CCDC14: variants seen among roughly 807,000 people sequenced by gnomAD.
CCDC14 encodes the protein coiled-coil domain containing 14, also known as coiled-coil domain-containing protein 14.
Under a neutral mutation model 81.4 loss-of-function variants are expected in CCDC14, and 71 were observed. The observed-to-expected ratio is 0.87, with a 90% CI of 0.72 to 1.06. CCDC14 has a LOEUF of 1.06. Ranked by LOEUF, CCDC14 falls within the 50% of genes least tolerant of loss-of-function variation. CCDC14 has a pLI of 0.00. For missense variants in CCDC14, 1,046 were observed against 1,047.3 expected (o/e 1.00, Z 0.02); for synonymous variants, 332 against 364.8 (o/e 0.91, Z 1.03).
At chr3:123,937,265 T>C (rs1359545470) in intron 9 of CCDC14, among the ~76,000 whole-genome samples, 1 of 152,064 alleles carries the variant, frequency 6.6e-6, no homozygotes, top group East Asian at 1.9e-4. Context: ...TGCCAAACTT[T>C]TTTTCCAAAG....
chr3:123,909,067 T>A (rs960966626), downstream of CCDC14, among the ~76,000 whole-genome samples: 2 of 152,084 alleles, frequency 1.3e-5, no homozygotes, highest in African/African-American at 4.8e-5. Context: ...ACTACTACCC[T>A]CCAAGAAGGT....
rs1051109821 is a variant in CCDC14 at position 123,929,387 on chromosome 3, C to T, written c.1778+1715G>A. Among the ~76,000 whole-genome samples the T allele has an allele frequency of 1.3e-4, 20 of 152,092 alleles. No homozygotes were observed. In the East Asian group the frequency reaches 3.3e-3, roughly 25 times the overall value. ...ATGCAGTGGCATGATAGTGGCTCAC[C>T]GCAGCTTCCACCTCCTGGGCTCCTC... On this transcript the variant is annotated intron_variant, in intron 12 of 12. Coordinates refer to ENST00000409697, the MANE Select transcript of CCDC14 (RefSeq NM_001366335.1).
chr3:123,917,845 TAAAAATATCCTACTGGTCTACAC>T (rs1398838498), intron 12 of CCDC14, among the ~76,000 whole-genome samples: 16 of 152,014 alleles, frequency 1.1e-4, no homozygotes, highest in African/African-American at 3.6e-4. Flanking sequence ...TTTATACTTA[TAAAAATATCCTACTGGTCTACAC>T]AGAGGTTGTA....
the CCDC14 span, among the ~76,000 whole-genome samples, chr3:123,887,247 A>G: frequency 6.6e-6 from 1 of 152,238 alleles, no homozygotes; most frequent in East Asian, 1.9e-4. Flanking sequence ...TAAAGTTCAA[A>G]TATATATTTA....
chr3:123,933,077 CCA>C, intron 10 of CCDC14, among the ~76,000 whole-genome samples: 1 of 150,724 alleles, frequency 6.6e-6, no homozygotes, highest in Non-Finnish European at 1.5e-5. Context: ...CCAGCCTGGG[CCA>C]CAGAGTGACG....
At chr3:123,920,495 C>T (rs115016869) in intron 12 of CCDC14, among the ~76,000 whole-genome samples, 2,833 of 152,208 alleles carry the variant, frequency 0.019, 38 homozygotes, top group Non-Finnish European at 0.027. Context: ...AAATTCAAAG[C>T]AGTGACAGAT....
chr3:123,934,284 A>AAAC (rs2035933014), intron 9 of CCDC14, among the ~76,000 whole-genome samples: 1 of 150,644 alleles, frequency 6.6e-6, no homozygotes, highest in Non-Finnish European at 1.5e-5. Context: ...AAAAAAAAAA[A>AAAC]AAAAAAAAAA....
chr3:123,890,046 A>G, the CCDC14 span, among the ~76,000 whole-genome samples: 2 of 152,220 alleles, frequency 1.3e-5, no homozygotes, highest in Admixed American at 6.5e-5. Context: ...CACATCTTAC[A>G]TGAATGGCAG....
chr3:123,899,547 T>C (rs570160832), intron 5 of CCDC14, among the ~76,000 whole-genome samples: 65 of 152,302 alleles, frequency 4.3e-4, no homozygotes, highest in African/African-American at 1.5e-3. Context: ...GAAACCTGGG[T>C]CTTTCTGCAT....
intron 5 of CCDC14, among the ~76,000 whole-genome samples, chr3:123,906,010 T>G (rs1261992419): frequency 6.6e-6 from 1 of 152,162 alleles, no homozygotes; most frequent in African/African-American, 2.4e-5. Context: ...AGAATAGGGA[T>G]AGCTGAAAAA....
chr3:123,948,745 G>C lies in CCDC14; in HGVS notation c.630C>G (p.Thr210=). The part of the protein sequence containing the change: ...ATPHSSYGLC[T]STPVWSLQRP... Reference sequence around the variant, plus strand: ...GCTGAAGTGACCAGACTGGGGTGGAGGTACATAAGCCATAACTAGAATGAG... The same window carrying C: ...GCTGAAGTGACCAGACTGGGGTGGACGTACATAAGCCATAACTAGAATGAG... The change falls in exon 7 of 13, where the codon ACC becomes ACG. Residue 210 remains threonine (T), a synonymous_variant. Transcript: ENST00000409697. 6 of 1,600,972 alleles carry C rather than the reference G, an allele frequency of 3.7e-6. No homozygotes were observed. The highest frequency in any genetic ancestry group is 5.1e-6 in the Non-Finnish European group (6 of 1,176,822).
intron 8 of CCDC14, among the ~76,000 whole-genome samples, chr3:123,946,445 C>T (rs1436455044): frequency 6.6e-6 from 1 of 152,050 alleles, no homozygotes; most frequent in Non-Finnish European, 1.5e-5. Context: ...CTTTTTAAAA[C>T]AGGAAGAATA....
In CCDC14 at chr3:123,948,887, CG is replaced by C. The variant is rs779868713; in HGVS notation, c.589+8del. ...ACACTCACGATTTTTAAACAGCATT[CG>C]TACTCACCAGAATGAGAGGGAGCAT... is the stretch of plus-strand genomic sequence containing the variant. On this transcript the variant is annotated splice_region_variant and intron_variant, in intron 6 of 12. Coordinates refer to ENST00000409697, the MANE Select transcript of CCDC14 (RefSeq NM_001366335.1). 4 of 1,607,936 alleles carry C rather than the reference CG, an allele frequency of 2.5e-6. No homozygotes were observed. In the South Asian group the frequency reaches 3.3e-5, roughly 13 times the overall value.
intron 12 of CCDC14, among the ~76,000 whole-genome samples, chr3:123,919,437 C>T (rs1182310723): frequency 2.0e-5 from 3 of 152,150 alleles, no homozygotes; most frequent in African/African-American, 7.2e-5. Context: ...ACACTGAAGC[C>T]CAGCCCGCAA....
chr3:123,888,135 T>C, the CCDC14 span, among the ~76,000 whole-genome samples: 2 of 152,188 alleles, frequency 1.3e-5, no homozygotes, highest in Admixed American at 6.5e-5. Flanking sequence ...GTTTCTCTAA[T>C]TCTGATGTAT....
At chr3:123,901,456 A>C (rs905132232) in intron 5 of CCDC14, among the ~76,000 whole-genome samples, 9 of 151,798 alleles carry the variant, frequency 5.9e-5, no homozygotes, top group African/African-American at 1.9e-4. Flanking sequence ...TTTTTTTTTT[A>C]CTATGCAGAC....
intron 2 of CCDC14, 27 bp from the exon 3 acceptor site, chr3:123,956,454 T>TA: frequency 2.0e-6 from 3 of 1,476,502 alleles, no homozygotes; most frequent in Non-Finnish European, 2.8e-6. Context: ...TTAATATTCT[T>TA]ACAAATATTT....
downstream of CCDC14, among the ~76,000 whole-genome samples, chr3:123,894,572 C>T (rs565349419): frequency 2.6e-5 from 4 of 152,246 alleles, no homozygotes; most frequent in South Asian, 8.3e-4. Context: ...CTATTGTCTT[C>T]CAATGCATAA....
chr3:123,903,246 C>A (rs2034213887), intron 5 of CCDC14, among the ~76,000 whole-genome samples: 1 of 149,962 alleles, frequency 6.7e-6, no homozygotes, highest in Admixed American at 6.7e-5. Flanking sequence ...AGGCTATTTG[C>A]CTTTTTTGTG....
Sources: gnomAD v4.1 joint callset for allele counts (sites outside exome capture counted in the v4.1 genomes callset) on GRCh38, gnomAD v4.1.1 for gene constraint, MANE v1.5 for transcripts, NCBI Gene and HGNC (gene_info 2026-07-23, HGNC 2026-07-21) for gene names.